Variants in PARN observed in about 807,000 individuals in gnomAD.
The protein encoded by PARN is poly(A)-specific ribonuclease PARN.
In PARN, 71 loss-of-function variants were observed where a neutral mutation model predicts 102.8. The ratio of observed to expected loss-of-function variants is 0.69; its 90% CI spans 0.57 to 0.84. PARN has a LOEUF of 0.84. Among genes scored for constraint, PARN ranks in the 40% least tolerant of loss-of-function variants. The probability of loss-of-function intolerance (pLI) is 0.00; values close to 1 mark genes in which losing one functional copy is unlikely to be tolerated. For synonymous variants in PARN, 261 were observed against 252.9 expected, an observed-to-expected ratio of 1.03 and a Z score of -0.30; for missense variants, 782 against 760.9, an observed-to-expected ratio of 1.03 and a Z score of -0.33.
intron 21 of PARN, among the ~76,000 whole-genome samples, chr16:14,539,435 A>G (rs896248099): frequency 1.6e-4 from 24 of 152,316 alleles, no homozygotes; most frequent in African/African-American, 5.5e-4. Context: ...GCCCTAAAGA[A>G]TGCTAATTAG....
intron 10 of PARN, 96 bp from the exon 11 acceptor site, chr16:14,604,322 A>G (rs1971060365): frequency 1.3e-6 from 1 of 742,290 alleles, no homozygotes; most frequent in African/African-American, 1.8e-5. Flanking sequence ...GTGCAATTGC[A>G]TGATCTCAGC....
intron 11 of PARN, among the ~76,000 whole-genome samples, chr16:14,600,974 A>G (rs1970833088): frequency 6.6e-6 from 1 of 152,118 alleles, no homozygotes; most frequent in Admixed American, 6.5e-5. Flanking sequence ...CCCCAAGACT[A>G]ACAAGTATTT....
At chr16:14,496,901 T>C in intron 21 of PARN, among the ~76,000 whole-genome samples, 1 of 152,194 alleles carries the variant, frequency 6.6e-6, no homozygotes, top group East Asian at 1.9e-4. Context: ...ATCCTACCCC[T>C]GTAAAGCAGT....
chr16:14,592,508 A>C (rs1427279194), intron 13 of PARN, among the ~76,000 whole-genome samples: 1 of 152,232 alleles, frequency 6.6e-6, no homozygotes, highest in Non-Finnish European at 1.5e-5. Flanking sequence ...CAGAAGAGGG[A>C]GAGCCAGTAG....
At chr16:14,574,593 A>C (rs1172627830) in intron 18 of PARN, among the ~76,000 whole-genome samples, 2 of 152,028 alleles carry the variant, frequency 1.3e-5, no homozygotes, top group Non-Finnish European at 2.9e-5. Context: ...CACACCTGTA[A>C]TCCCAGCTAC....
chr16:14,465,222 TAAGCTCGGGTGCCACC>T (rs1178944737), intron 22 of PARN, among the ~76,000 whole-genome samples: 2 of 152,070 alleles, frequency 1.3e-5, no homozygotes, highest in Non-Finnish European at 2.9e-5. Context: ...CATGTGACAC[TAAGCTCGGGTGCCACC>T]AAGCTCGGCT....
At position 14,582,177 on chromosome 16, in the gene PARN, G is replaced by A. The variant is rs185546844; in HGVS notation, c.1192+4C>T. 271 of 1,558,246 alleles carry A rather than the reference G, an allele frequency of 1.7e-4. 3 individuals are homozygous for A. In the South Asian group the frequency reaches 1.9e-3, roughly 11 times the overall value. On this transcript the variant is annotated splice_donor_region_variant and intron_variant, in intron 17 of 23. Transcript: ENST00000437198. ...TGTTTGACTGAAAGACATGTAATGCGTACCTAGGTAATTGGCCATGGAGAT... is the reference window on the plus strand; with the variant it reads ...TGTTTGACTGAAAGACATGTAATGCATACCTAGGTAATTGGCCATGGAGAT...
chr16:14,470,936 C>T (rs1255438404), intron 22 of PARN, among the ~76,000 whole-genome samples: 1 of 152,110 alleles, frequency 6.6e-6, no homozygotes, highest in Non-Finnish European at 1.5e-5. Flanking sequence ...GCCACCATGC[C>T]TAATTTTTTG....
At chr16:14,580,823 G>A (rs1013588906) in intron 18 of PARN, 51 bp downstream of exon 18, 1 of 1,051,556 alleles carries the variant, frequency 9.5e-7, no homozygotes, top group African/African-American at 1.6e-5. Flanking sequence ...CAAGATATGA[G>A]GCTGTTCCAC....
At chr16:14,629,745 C>T (rs1327119842) in intron 1 of PARN, 71 bp from the exon 2 acceptor site, 4 of 1,133,104 alleles carry the variant, frequency 3.5e-6, no homozygotes, top group South Asian at 1.2e-5. Context: ...GGAAGGAGGG[C>T]CGAGGAGCTC....
At chr16:14,618,901 A>C (rs1294303827) in intron 5 of PARN, among the ~76,000 whole-genome samples, 1 of 152,174 alleles carries the variant, frequency 6.6e-6, no homozygotes. Context: ...TCAATGTTGA[A>C]GATCAAAAGA....
In PARN at chr16:14,482,732, A is replaced by G; in HGVS notation, c.1576T>C (p.Trp526Arg). The G allele has an allele frequency of 3.7e-6, 6 of 1,613,744 alleles. No homozygotes were observed. Among genetic ancestry groups the G allele is most frequent in the Non-Finnish European group, 5.1e-6 (6 of 1,179,754 alleles). ...GCCTCCTTCCAGCTATCTTCAGTCC[A>G]CTTTCTTTTGATCTGCTTCTCTTCC... ...KQEEKQIKRK[W>R]TEDSWKEADS... The change falls in exon 22 of 24, where the codon TGG becomes CGG. Residue 526 changes from tryptophan (W) to arginine (R), a missense_variant. Physicochemically the swap from Trp to Arg is moderately radical, Grantham distance 101. Coordinates refer to ENST00000437198, the MANE Select transcript of PARN (RefSeq NM_002582.4).
intron 21 of PARN, among the ~76,000 whole-genome samples, chr16:14,506,991 G>A (rs770513430): frequency 7.2e-5 from 11 of 152,318 alleles, no homozygotes; most frequent in Middle Eastern, 3.4e-3. Flanking sequence ...TTGGAGAAGC[G>A]TAACTAATAT....
At chr16:14,617,475 C>G in intron 6 of PARN, 115 bp downstream of exon 6, 1 of 674,350 alleles carries the variant, frequency 1.5e-6, no homozygotes. Flanking sequence ...TGCTGGAACT[C>G]TAAGACTGTG....
chr16:14,482,507 G>A, intron 22 of PARN, 131 bp downstream of exon 22: 1 of 654,902 alleles, frequency 1.5e-6, no homozygotes, highest in Non-Finnish European at 2.6e-6. Context: ...AGTCACTTCT[G>A]ATATGATGTG....
intron 22 of PARN, among the ~76,000 whole-genome samples, chr16:14,451,819 G>A (rs1486295571): frequency 7.6e-6 from 1 of 131,186 alleles, no homozygotes; most frequent in Non-Finnish European, 1.6e-5. Context: ...GAACAGCCTG[G>A]GCAATGTGGA....
At position 14,627,395 on chromosome 16, in the gene PARN, G is replaced by A; in HGVS notation, c.178-59C>T. On this transcript the variant is annotated intron_variant, in intron 3 of 23. Coordinates refer to ENST00000437198, the MANE Select transcript of PARN (RefSeq NM_002582.4). ...GTGCTGCATATTCCATGTGAGCATA[G>A]CATTCTCAAACAGGTGGGCTTTCTG... 1.1e-5 allele frequency: 14 copies of A among 1,239,416 alleles called. No individual in the cohort carries two copies. In the South Asian group the frequency reaches 1.8e-4, roughly 16 times the overall value. 76.8% of individuals were successfully genotyped at this position (1,239,416 alleles called of 1,614,324 possible). A position where few individuals can be genotyped will look rare whatever the true frequency, so the allele number is the denominator to read the frequency against.
chr16:14,501,934 G>A (rs1964641118), intron 21 of PARN, among the ~76,000 whole-genome samples: 1 of 152,210 alleles, frequency 6.6e-6, no homozygotes, highest in Non-Finnish European at 1.5e-5. Flanking sequence ...GGCACACCTT[G>A]CACTCAGCTC....
chr16:14,578,223 G>A (rs962333468), intron 18 of PARN, among the ~76,000 whole-genome samples: 1 of 148,930 alleles, frequency 6.7e-6, no homozygotes, highest in Non-Finnish European at 1.5e-5. Flanking sequence ...CAGCTACTCA[G>A]GAGGCTGAGG....
Sources: gnomAD v4.1 joint callset for allele counts (sites outside exome capture counted in the v4.1 genomes callset) on GRCh38, gnomAD v4.1.1 for gene constraint, MANE v1.5 for transcripts, NCBI Gene and HGNC (gene_info 2026-07-23, HGNC 2026-07-21) for gene names.